The following NLN variants were observed in gnomAD, a reference collection of about 807,000 sequenced individuals.
NLN encodes neurolysin, mitochondrial.
Under a neutral mutation model 79.9 loss-of-function variants are expected in NLN, and 64 were observed. The observed-to-expected ratio is 0.80, with a 90% CI of 0.65 to 0.99. NLN has a LOEUF of 0.99. Among genes scored for constraint, NLN ranks in the 50% least tolerant of loss-of-function variants. The pLI is 0.00. For missense variants in NLN, 835 were observed against 858.7 expected (o/e 0.97, Z 0.34); for synonymous variants, 267 against 296.6 (o/e 0.90, Z 1.02).
Position 65,788,443 on chromosome 5 carries a change from A to G in NLN, c.1284A>G (p.Thr428=). The change falls in exon 8 of 13, where the codon ACA becomes ACG. Residue 428 remains threonine (T), a synonymous_variant. Transcript: ENST00000380985. ...VTLYTVKDKA[T]GEVLGQFYLD... ...TTTATACTGTGAAGGATAAAGCTAC[A>G]GGAGAAGTATTGGGACAGTTCTATT... The G allele has an allele frequency of 6.2e-7, 1 of 1,614,004 alleles. No individual in the cohort carries two copies. Among genetic ancestry groups the G allele is most frequent in the African/African-American group, 1.3e-5 (1 of 75,054 alleles).
At chr5:65,740,108 C>T (rs1417915444) in intron 1 of NLN, among the ~76,000 whole-genome samples, 1 of 152,016 alleles carries the variant, frequency 6.6e-6, no homozygotes, top group Non-Finnish European at 1.5e-5. Flanking sequence ...TATTTTCTGT[C>T]TTAGTTCATT....
intron 1 of NLN, among the ~76,000 whole-genome samples, chr5:65,743,556 A>G (rs182840480): frequency 3.9e-5 from 6 of 152,326 alleles, no homozygotes; most frequent in Non-Finnish European, 8.8e-5. Context: ...ATAATGATAA[A>G]AAATATATAC....
chr5:65,728,833 G>A (rs1758539045), intron 1 of NLN, among the ~76,000 whole-genome samples: 1 of 152,146 alleles, frequency 6.6e-6, no homozygotes, highest in African/African-American at 2.4e-5. Context: ...TTCAATTACA[G>A]TTTTCTTGGT....
intron 6 of NLN, among the ~76,000 whole-genome samples, chr5:65,783,796 G>A (rs1759855667): frequency 6.6e-6 from 1 of 151,774 alleles, no homozygotes; most frequent in Non-Finnish European, 1.5e-5. Context: ...GAGAAGATCT[G>A]GAGAAACTGC....
rs112683530 is a variant in NLN, at chr5:65,788,971, C to CAA, written c.1325+499_1325+500dup. On this transcript the variant is annotated intron_variant, in intron 8 of 12. Coordinates refer to ENST00000380985, the MANE Select transcript of NLN (RefSeq NM_020726.5). ...TGGGTGACAGAGTGAGACCCTGTCTCAAAAAAAAAAAAATGAAAAATTAGC... is the reference window on the plus strand; with the variant it reads ...TGGGTGACAGAGTGAGACCCTGTCTCAAAAAAAAAAAAAAATGAAAAATTAGC... 3.3e-3 allele frequency among the ~76,000 whole-genome samples: 459 copies of CAA among 138,380 alleles called. 1 individual carries two copies. Among genetic ancestry groups the CAA allele is most frequent in the African/African-American group, 9.9e-3 (381 of 38,488 alleles). The allele number at this position is 138,380 out of a possible 152,430, so 90.8% of individuals were successfully genotyped here.
chr5:65,812,120 G>T lies in NLN; in HGVS notation c.1844-135G>T, dbSNP rs1036731214. ...GGCCAAGAGGACACATCAGCCCAAG[G>T]AGTACTAGAGGTGAGATCATGTCAT... On this transcript the variant is annotated intron_variant, in intron 11 of 12. Coordinates refer to ENST00000380985, the MANE Select transcript of NLN (RefSeq NM_020726.5). 11 of 716,910 alleles carry T rather than the reference G, an allele frequency of 1.5e-5. No individual in the cohort carries two copies. In the African/African-American group the frequency reaches 1.8e-4, roughly 12 times the overall value. The allele number at this position is 716,910 out of a possible 1,614,324, so 44.4% of individuals were successfully genotyped here. A position where few individuals can be genotyped will look rare whatever the true frequency, so the allele number is the denominator to read the frequency against.
intron 3 of NLN, among the ~76,000 whole-genome samples, chr5:65,765,825 G>A (rs1759439748): frequency 6.6e-6 from 1 of 152,096 alleles, no homozygotes; most frequent in Non-Finnish European, 1.5e-5. Flanking sequence ...AGGATGCTCT[G>A]AATAATATTC....
chr5:65,822,831 C>G lies in NLN; in HGVS notation c.2031C>G (p.Asp677Glu), dbSNP rs148323761. The change falls in exon 13 of 13, where the codon GAC becomes GAG. Residue 677 changes from aspartate to glutamate, a missense_variant. Coordinates refer to ENST00000380985, the MANE Select transcript of NLN (RefSeq NM_020726.5). ...TCCTGAAACCTGGGGGATCTCTGGA[C>G]GGCATGGACATGCTCCACAATTTCT... ...NLILKPGGSL[D>E]GMDMLHNFLK... is the part of the protein sequence containing the mutation. 3.7e-6 allele frequency: 6 copies of G among 1,611,146 alleles called. No individual in the cohort carries two copies. In the Admixed American group the frequency reaches 5.0e-5, roughly 13 times the overall value.
chr5:65,722,531 G>T, intron 1 of NLN, 117 bp downstream of exon 1: 1 of 938,290 alleles, frequency 1.1e-6, no homozygotes, highest in Admixed American at 2.6e-5. Flanking sequence ...CTCCCGGGAC[G>T]CACCCTCCCC....
chr5:65,760,055 A>G (rs1759307151), intron 2 of NLN, among the ~76,000 whole-genome samples: 1 of 152,180 alleles, frequency 6.6e-6, no homozygotes, highest in African/African-American at 2.4e-5. Context: ...GCAGAACTGG[A>G]TATTGTAAAC....
intron 9 of NLN, among the ~76,000 whole-genome samples, chr5:65,795,498 C>T (rs541772278): frequency 1.3e-5 from 2 of 152,136 alleles, no homozygotes; most frequent in African/African-American, 4.8e-5. Context: ...ACTAGCCTGG[C>T]CAACATGGCA....
chr5:65,770,653 C>T (rs781581213), intron 3 of NLN, among the ~76,000 whole-genome samples: 1 of 152,188 alleles, frequency 6.6e-6, no homozygotes, highest in Non-Finnish European at 1.5e-5. Flanking sequence ...CAACCTAGCA[C>T]ATCCTCCCAC....
chr5:65,792,291 T>C (rs1243764870), intron 8 of NLN, among the ~76,000 whole-genome samples, 163 bp from the exon 9 acceptor site: 3 of 152,240 alleles, frequency 2.0e-5, no homozygotes, highest in Admixed American at 6.5e-5. Flanking sequence ...TGTTTAGCTT[T>C]AGTTTTTCCA....
rs113984222 is a variant in NLN at position 65,723,104 on chromosome 5, C to A, written c.41+690C>A. ...GATGGTGAGGGAATTAAATTCTTTG[C>A]ACGGATGCGCTGGTTTTCGGAAACA... On this transcript the variant is annotated intron_variant, in intron 1 of 12. Coordinates refer to ENST00000380985, the MANE Select transcript of NLN (RefSeq NM_020726.5). 735 of 152,378 alleles carry A rather than the reference C, an allele frequency of 4.8e-3. 8 individuals carry two copies. Among genetic ancestry groups the A allele is most frequent in the African/African-American group, 0.017 (710 of 41,580 alleles). 9.4% of individuals were successfully genotyped at this position (152,378 alleles called of 1,614,324 possible).
At chr5:65,773,722 C>A (rs914779168) in intron 3 of NLN, among the ~76,000 whole-genome samples, 8 of 152,132 alleles carry the variant, frequency 5.3e-5, no homozygotes, top group Non-Finnish European at 8.8e-5. Context: ...GCAGGTGGAT[C>A]ACTTGAGCTC....
At position 65,829,126 on chromosome 5, in the gene NLN, G is replaced by A. The variant is rs564613904; in HGVS notation, c.*6211G>A. ...TACTGTCTTCATCACACACACAGAG[G>A]CAAACGTCTGATTCAGATAGCCAGG... On this transcript the variant is annotated 3_prime_UTR_variant, in exon 13 of 13. Coordinates refer to ENST00000380985, the MANE Select transcript of NLN (RefSeq NM_020726.5). 3 of 152,234 alleles carry A rather than the reference G, an allele frequency of 2.0e-5. No individual in the cohort carries two copies. In the East Asian group the frequency reaches 5.8e-4, roughly 29 times the overall value. The allele number at this position is 152,234 out of a possible 1,614,324, so 9.4% of individuals were successfully genotyped here. A position where few individuals can be genotyped will look rare whatever the true frequency, so the allele number is the denominator to read the frequency against.
Position 65,821,042 on chromosome 5 carries a change from C to CAA in NLN, c.1981-1724_1981-1723dup, listed in dbSNP as rs1326744179. Among the ~76,000 whole-genome samples, 166 of 57,450 alleles carry CAA rather than the reference C, an allele frequency of 2.9e-3. 2 individuals carry two copies. The highest frequency in any genetic ancestry group is 9.4e-3 in the African/African-American group (154 of 16,306). The allele number at this position is 57,450 out of a possible 152,430, so 37.7% of individuals were successfully genotyped here. A position where few individuals can be genotyped will look rare whatever the true frequency, so the allele number is the denominator to read the frequency against. ...TGGGCGACAGAATGAGACTCTGTCT[C>CAA]AAAAAAAAAAAAAAAAGAAAAGAGA... On this transcript the variant is annotated intron_variant, in intron 12 of 12. Coordinates refer to ENST00000380985, the MANE Select transcript of NLN (RefSeq NM_020726.5).
chr5:65,796,787 A>G (rs1256205522), intron 9 of NLN, among the ~76,000 whole-genome samples: 2 of 152,252 alleles, frequency 1.3e-5, no homozygotes, highest in Non-Finnish European at 2.9e-5. Context: ...GACAACTTCT[A>G]TGTTCACTAA....
intron 7 of NLN, among the ~76,000 whole-genome samples, chr5:65,787,730 TCTGA>T (rs1341390416): frequency 1.3e-5 from 2 of 152,136 alleles, no homozygotes; most frequent in African/African-American, 4.8e-5. Context: ...TTCTTAGGAG[TCTGA>T]CTGTCTTCAT....
Sources: gnomAD v4.1 joint callset for allele counts (sites outside exome capture counted in the v4.1 genomes callset) on GRCh38, gnomAD v4.1.1 for gene constraint, MANE v1.5 for transcripts, NCBI Gene and HGNC (gene_info 2026-07-23, HGNC 2026-07-21) for gene names.